The following CCK variants were observed in gnomAD, a reference collection of about 807,000 sequenced individuals.
CCK encodes the protein cholecystokinin.
Under a neutral mutation model 10.1 loss-of-function variants are expected in CCK, and 11 were observed. The observed-to-expected ratio is 1.09, with a 90% CI of 0.69 to 1.81. The LOEUF is 1.81. Ranked by LOEUF, CCK falls within the 40% of genes most tolerant of loss-of-function variation. The pLI is 0.00. For synonymous variants in CCK, 83 were observed against 71.9 expected, an observed-to-expected ratio of 1.15 and a Z score of -0.78; for missense variants, 137 against 159.9, an observed-to-expected ratio of 0.86 and a Z score of 0.77.
At chr3:42,261,608 C>CTTTTTTTTT (rs3073696) in intron 4 of CCK, among the ~76,000 whole-genome samples, 1 of 145,620 alleles carries the variant, frequency 6.9e-6, no homozygotes, top group Non-Finnish European at 1.5e-5. Context: ...TGGTAATGAG[C>CTTTTTTTTT]TTTTTTTTTT....
chr3:42,263,542 C>T lies in CCK; in HGVS notation c.89G>A (p.Gly30Asp). The change falls in exon 4 of 5, where the codon GGC becomes GAC. Residue 30 changes from glycine to aspartate, a missense_variant. Transcript: ENST00000396169. The stretch of plus-strand genomic sequence containing the variant: ...CTCCTCTGCCCGCTGCAGCCCGGAG[C>T]CCGCGGGATCTGCGGGAGGCACCGG... ...TQPVPPADPA[G>D]SGLQRAEEAP... 2 of 1,612,688 alleles carry T rather than the reference C, an allele frequency of 1.2e-6. No individual in the cohort carries two copies. Among genetic ancestry groups the T allele is most frequent in the East Asian group, 2.2e-5 (1 of 44,848 alleles).
In CCK at chr3:42,263,578, G is replaced by T; in HGVS notation, c.53C>A (p.Ala18Asp). The stretch of plus-strand genomic sequence containing the variant: ...TGCGGGAGGCACCGGCTGCGTCAGG[G>T]CGCCAGCCGCCAGTACCGCCATCAG... Reference protein sequence around the residue: ...CVLMAVLAAGALTQPVPPADP... With the variant: ...CVLMAVLAAGDLTQPVPPADP... The change falls in exon 4 of 5, where the codon GCC (alanine) becomes GAC (aspartate). Residue 18 changes from alanine to aspartate, a missense_variant. Transcript: ENST00000396169. 2 of 1,599,664 alleles carry T rather than the reference G, an allele frequency of 1.3e-6. No individual in the cohort carries two copies. Among genetic ancestry groups the T allele is most frequent in the Non-Finnish European group, 1.7e-6 (2 of 1,173,968 alleles).
At position 42,257,978 on chromosome 3, in the gene CCK, AAATAG is replaced by A. The variant is rs1251093804; in HGVS notation, c.*115_*119del. 1 of 1,081,570 alleles carries A rather than the reference AAATAG, an allele frequency of 9.2e-7. No homozygotes were observed. Among genetic ancestry groups the A allele is most frequent in the Non-Finnish European group, 1.3e-6 (1 of 756,204 alleles). 67.0% of individuals were successfully genotyped at this position (1,081,570 alleles called of 1,614,324 possible). ...ACATTTTTCACATTGAGAACTTAAT[AAATAG>A]ATACATACAATGTCAAACTCCACAG... is the stretch of plus-strand genomic sequence containing the variant. On this transcript the variant is annotated 3_prime_UTR_variant, in exon 5 of 5. Transcript: ENST00000396169.
intron 4 of CCK, 21 bp from the exon 5 acceptor site, chr3:42,258,252 G>A (rs768221957): frequency 6.2e-6 from 10 of 1,605,654 alleles, no homozygotes; most frequent in African/African-American, 1.3e-5. Context: ...CAGGGAGGAA[G>A]GAAACAGGGA....
chr3:42,258,346 A>G, intron 4 of CCK, 115 bp from the exon 5 acceptor site: 2 of 1,099,760 alleles, frequency 1.8e-6, no homozygotes, highest in African/African-American at 3.2e-5. Flanking sequence ...ACACCACCTT[A>G]AAGGTATCAA....
chr3:42,258,000 A>G lies in CCK; in HGVS notation c.*98T>C. ...AATAAATAGATACATACAATGTCAA[A>G]CTCCACAGACAATGAGTTATGAGTG... is the stretch of plus-strand genomic sequence containing the variant. On this transcript the variant is annotated 3_prime_UTR_variant, in exon 5 of 5. Transcript: ENST00000396169. 7.7e-7 allele frequency: 1 copy of G among 1,303,136 alleles called. No individual in the cohort carries two copies. Among genetic ancestry groups the G allele is most frequent in the Admixed American group, 2.4e-5 (1 of 41,936 alleles). 80.7% of individuals were successfully genotyped at this position (1,303,136 alleles called of 1,614,324 possible). A position where few individuals can be genotyped will look rare whatever the true frequency, so the allele number is the denominator to read the frequency against.
chr3:42,262,081 C>T (rs559870852), intron 4 of CCK, among the ~76,000 whole-genome samples: 1 of 152,234 alleles, frequency 6.6e-6, no homozygotes, highest in Non-Finnish European at 1.5e-5. Flanking sequence ...AGAGCCAAAA[C>T]TCTTCATCTT....
chr3:42,263,383 G>T, intron 4 of CCK, 34 bp downstream of exon 4: 1 of 1,614,144 alleles, frequency 6.2e-7, no homozygotes, highest in African/African-American at 1.3e-5. Context: ...GGGAACAAGG[G>T]CAGAAGTGAG....
intron 4 of CCK, among the ~76,000 whole-genome samples, 167 bp from the exon 5 acceptor site, chr3:42,258,398 AGAG>A (rs1711168495): frequency 6.6e-6 from 1 of 152,236 alleles, no homozygotes; most frequent in African/African-American, 2.4e-5. Flanking sequence ...AAAATCTGAG[AGAG>A]GAGAAGGACC....
At position 42,257,929 on chromosome 3, in the gene CCK, G is replaced by A; in HGVS notation, c.*169C>T. The A allele has an allele frequency of 1.6e-6, 1 of 642,944 alleles. No individual in the cohort carries two copies. The highest frequency in any genetic ancestry group is 2.5e-5 in the South Asian group (1 of 40,198). The allele number at this position is 642,944 out of a possible 1,614,324, so 39.8% of individuals were successfully genotyped here. A position where few individuals can be genotyped will look rare whatever the true frequency, so the allele number is the denominator to read the frequency against. ...TTGCACAATTCTGGTGAGGTGTGTG[G>A]TTGCACTGGACAATCTTACAGACAC... On this transcript the variant is annotated 3_prime_UTR_variant, in exon 5 of 5. Transcript: ENST00000396169.
chr3:42,259,853 A>G (rs1474019761), intron 4 of CCK, among the ~76,000 whole-genome samples: 1 of 152,204 alleles, frequency 6.6e-6, no homozygotes. Flanking sequence ...AGGGACTTCA[A>G]TGGACAAAGC....
intron 3 of CCK, 151 bp from the exon 4 acceptor site, chr3:42,263,783 G>T: frequency 7.5e-7 from 1 of 1,335,210 alleles, no homozygotes; most frequent in Non-Finnish European, 9.8e-7. Flanking sequence ...GCCAAGCGCT[G>T]ACCCCAGCCG....
intron 3 of CCK, among the ~76,000 whole-genome samples, 178 bp downstream of exon 3, chr3:42,264,519 C>T (rs1174092602): frequency 6.6e-6 from 1 of 152,024 alleles, no homozygotes; most frequent in African/African-American, 2.4e-5. Context: ...TCTACCCACC[C>T]AGACCTCACT....
At position 42,258,208 on chromosome 3, in the gene CCK, C is replaced by G; in HGVS notation, c.238G>C (p.Val80Leu). The G allele has an allele frequency of 6.2e-7, 1 of 1,613,994 alleles. No individual in the cohort carries two copies. The highest frequency in any genetic ancestry group is 8.5e-7 in the Non-Finnish European group (1 of 1,179,994). Residue 80 changes from valine (V) to leucine (L), a missense_variant, in exon 5 of 5, where the codon GTT becomes CTT. By Grantham distance (32) the Val-to-Leu change is conservative (BLOSUM62 1). Coordinates refer to ENST00000396169, the MANE Select transcript of CCK (RefSeq NM_000729.6). ...GGGTCCAGGTTCTGCAGGTTCTTAACGATGGACATTCGTCCAGAAGGAGCT... is the reference window on the plus strand; with the variant it reads ...GGGTCCAGGTTCTGCAGGTTCTTAAGGATGGACATTCGTCCAGAAGGAGCT... ...RKAPSGRMSIVKNLQNLDPSH... is the reference protein window; with the variant it reads ...RKAPSGRMSILKNLQNLDPSH...
rs1255826908 is a variant in CCK, at chr3:42,258,244, G to A, written c.215-13C>T. 10 of 1,609,252 alleles carry A rather than the reference G, an allele frequency of 6.2e-6. No homozygotes were observed. Among genetic ancestry groups the A allele is most frequent in the South Asian group, 1.1e-5 (1 of 89,970 alleles). On this transcript the variant is annotated splice_polypyrimidine_tract_variant and intron_variant, in intron 4 of 4. Coordinates refer to ENST00000396169, the MANE Select transcript of CCK (RefSeq NM_000729.6). ...CGTCCAGAAGGAGCTACAAGGAGCA[G>A]GGAGGAAGGAAACAGGGACATTGCA...
In CCK at chr3:42,258,246, G is replaced by A; in HGVS notation, c.215-15C>T. ...TCCAGAAGGAGCTACAAGGAGCAGG[G>A]AGGAAGGAAACAGGGACATTGCATC... On this transcript the variant is annotated splice_polypyrimidine_tract_variant and intron_variant, in intron 4 of 4. Coordinates refer to ENST00000396169, the MANE Select transcript of CCK (RefSeq NM_000729.6). The A allele has an allele frequency of 6.2e-7, 1 of 1,608,652 alleles. No individual in the cohort carries two copies.
At position 42,257,831 on chromosome 3, in the gene CCK, T is replaced by G. The variant is rs529080365; in HGVS notation, c.*267A>C. Reference sequence around the variant, plus strand: ...AGACGCAGGGAACGACAGGGCAGAATGAAATCACTTTAATAGCATAACAAC... The same window carrying G: ...AGACGCAGGGAACGACAGGGCAGAAGGAAATCACTTTAATAGCATAACAAC... On this transcript the variant is annotated 3_prime_UTR_variant, in exon 5 of 5. Coordinates refer to ENST00000396169, the MANE Select transcript of CCK (RefSeq NM_000729.6). 5.4e-6 allele frequency: 2 copies of G among 372,114 alleles called. No homozygotes were observed. The highest frequency in any genetic ancestry group is 9.7e-6 in the Non-Finnish European group (2 of 207,024). The allele number at this position is 372,114 out of a possible 1,614,324, so 23.1% of individuals were successfully genotyped here. A position where few individuals can be genotyped will look rare whatever the true frequency, so the allele number is the denominator to read the frequency against.
At position 42,263,477 on chromosome 3, in the gene CCK, C is replaced by G; in HGVS notation, c.154G>C (p.Gly52Arg). The G allele has an allele frequency of 6.2e-7, 1 of 1,614,198 alleles. No homozygotes were observed. Among genetic ancestry groups the G allele is most frequent in the Non-Finnish European group, 8.5e-7 (1 of 1,180,038 alleles). ...GCGCCCAGGTGCGCTCGGGACTCGC[C>G]ATCCGTTCTCTGCGATACCCTCAGC... Reference protein sequence around the residue: ...RQLRVSQRTDGESRAHLGALL... With the variant: ...RQLRVSQRTDRESRAHLGALL... The change falls in exon 4 of 5, where the codon GGC becomes CGC. Residue 52 changes from glycine (G) to arginine (R), a missense_variant. Coordinates refer to ENST00000396169, the MANE Select transcript of CCK (RefSeq NM_000729.6).
At chr3:42,259,058 TG>T (rs1711177814) in intron 4 of CCK, among the ~76,000 whole-genome samples, 1 of 152,170 alleles carries the variant, frequency 6.6e-6, no homozygotes, top group African/African-American at 2.4e-5. Flanking sequence ...TGCAGGGACA[TG>T]GATGAAGCTG....
Sources: gnomAD v4.1 joint callset for allele counts (sites outside exome capture counted in the v4.1 genomes callset) on GRCh38, gnomAD v4.1.1 for gene constraint, MANE v1.5 for transcripts, NCBI Gene and HGNC (gene_info 2026-07-23, HGNC 2026-07-21) for gene names.